ZNF407: variants seen among roughly 807,000 people sequenced by gnomAD.
The protein encoded by ZNF407 is zinc finger protein 407.
ZNF407 carries 17 observed loss-of-function variants against 131.2 expected under a neutral mutation model. That is an observed-to-expected ratio of 0.13 (90% CI 0.09 to 0.19). The LOEUF (loss-of-function observed/expected upper bound fraction) is 0.19, where lower values mean the gene tolerates loss of function less well. Among genes scored for constraint, ZNF407 ranks in the 10% least tolerant of loss-of-function variants. The pLI is 1.00. For missense variants in ZNF407, 2,681 were observed against 2,830.6 expected, an observed-to-expected ratio of 0.95 and a Z score of 1.20; for synonymous variants, 1,156 against 1,062.0, an observed-to-expected ratio of 1.09 and a Z score of -1.72.
chr18:74,600,321 G>A (rs991998520), intron 1 of ZNF407, among the ~76,000 whole-genome samples: 1 of 152,222 alleles, frequency 6.6e-6, no homozygotes, highest in Non-Finnish European at 1.5e-5. Flanking sequence ...GCAATATCAC[G>A]TAAATAGCCT....
intron 8 of ZNF407, among the ~76,000 whole-genome samples, chr18:75,019,966 T>G (rs1427885213): frequency 6.6e-6 from 1 of 152,018 alleles, no homozygotes; most frequent in Admixed American, 6.5e-5. Flanking sequence ...CCCCCAACAT[T>G]GGGAATTGAA....
chr18:75,042,806 T>C (rs1973388937), intron 8 of ZNF407, among the ~76,000 whole-genome samples: 1 of 152,238 alleles, frequency 6.6e-6, no homozygotes, highest in Non-Finnish European at 1.5e-5. Flanking sequence ...GTCACGTCAG[T>C]GGCAGGTACC....
chr18:74,691,642 T>C lies in ZNF407; in HGVS notation c.4802+50520T>C, dbSNP rs576930266. Reference sequence around the variant, plus strand: ...TTTCTGAGGATTAAAGTCTGAATGATTTATTTTAGACCTTTTTTCTTTTTC... The same window carrying C: ...TTTCTGAGGATTAAAGTCTGAATGACTTATTTTAGACCTTTTTTCTTTTTC... On this transcript the variant is annotated intron_variant, in intron 3 of 8. Transcript: ENST00000299687. Among the ~76,000 whole-genome samples, 5 of 152,286 alleles carry C rather than the reference T, an allele frequency of 3.3e-5. No homozygotes were observed. In the South Asian group the frequency reaches 1.0e-3, roughly 32 times the overall value.
rs201321452 is a variant in ZNF407 at position 74,879,981 on chromosome 18, G to A, written c.5045-1055G>A. Among the ~76,000 whole-genome samples the A allele has an allele frequency of 4.6e-5, 7 of 152,292 alleles. No individual in the cohort carries two copies. In the East Asian group the frequency reaches 1.3e-3, roughly 29 times the overall value. On this transcript the variant is annotated intron_variant, in intron 5 of 8. Transcript: ENST00000299687. ...ATTATGATAAACCAAAGTGATTTGG[G>A]ACAACACAGCCTGACTCTGGCCAAA...
intron 4 of ZNF407, among the ~76,000 whole-genome samples, chr18:74,822,874 C>A (rs1052077812): frequency 6.6e-6 from 1 of 152,186 alleles, no homozygotes; most frequent in African/African-American, 2.4e-5. Context: ...ACCATTTTCA[C>A]AATATTGATT....
chr18:75,041,766 C>A (rs924222723), intron 8 of ZNF407, among the ~76,000 whole-genome samples: 2 of 152,182 alleles, frequency 1.3e-5, no homozygotes, highest in African/African-American at 2.4e-5. Flanking sequence ...CGATCAGCAT[C>A]CCCATTTTTA....
chr18:74,756,489 G>C (rs193041173), intron 3 of ZNF407, among the ~76,000 whole-genome samples: 1 of 152,258 alleles, frequency 6.6e-6, no homozygotes, highest in African/African-American at 2.4e-5. Context: ...TCTGCTTCTT[G>C]TAGTGAAGTT....
chr18:75,053,043 A>G (rs1391008519), intron 8 of ZNF407, among the ~76,000 whole-genome samples: 1 of 152,256 alleles, frequency 6.6e-6, no homozygotes, highest in Non-Finnish European at 1.5e-5. Flanking sequence ...CTTGGAACAC[A>G]GTGGAATCGT....
intron 3 of ZNF407, among the ~76,000 whole-genome samples, chr18:74,670,384 C>A (rs533831058): frequency 3.9e-5 from 6 of 152,238 alleles, no homozygotes; most frequent in Admixed American, 3.9e-4. Context: ...TCTGAAAGAT[C>A]TTAGGTTAGA....
intron 3 of ZNF407, among the ~76,000 whole-genome samples, chr18:74,658,654 C>T (rs563280356): frequency 1.3e-5 from 2 of 152,236 alleles, no homozygotes; most frequent in African/African-American, 4.8e-5. Flanking sequence ...TAATTCTTTA[C>T]AAACTGTTTC....
intron 3 of ZNF407, among the ~76,000 whole-genome samples, chr18:74,746,611 C>G (rs1003013708): frequency 6.6e-6 from 1 of 151,782 alleles, no homozygotes; most frequent in Non-Finnish European, 1.5e-5. Context: ...AACACATTAG[C>G]TTAGGCCTAC....
chr18:74,632,758 A>C lies in ZNF407; in HGVS notation c.1739A>C (p.Gln580Pro). Residue 580 changes from glutamine to proline, a missense_variant, in exon 2 of 9, where the codon CAG (glutamine) becomes CCG (proline). This residue lies in a region of ZNF407 where 1,789 missense variants were observed against 1,748.7 expected (regional missense o/e 1.02). Transcript: ENST00000299687. ...TTAGATGAACATTTGCACAGTAACCAGCATCAGCAAACTGCTTCTGTCCTG... is the reference window on the plus strand; with the variant it reads ...TTAGATGAACATTTGCACAGTAACCCGCATCAGCAAACTGCTTCTGTCCTG... The part of the protein sequence containing the change: ...RDLDEHLHSN[Q>P]HQQTASVLSC... 1 of 1,614,046 alleles carries C rather than the reference A, an allele frequency of 6.2e-7. No homozygotes were observed. The highest frequency in any genetic ancestry group is 1.6e-4 in the Middle Eastern group (1 of 6,062).
At chr18:74,620,548 A>T (rs1249527037) in intron 1 of ZNF407, among the ~76,000 whole-genome samples, 2 of 152,250 alleles carry the variant, frequency 1.3e-5, no homozygotes, top group African/African-American at 4.8e-5. Context: ...GTCCTCTGGA[A>T]TAGAAACGAT....
intron 3 of ZNF407, among the ~76,000 whole-genome samples, chr18:74,685,378 C>T (rs192536951): frequency 7.6e-4 from 115 of 152,282 alleles, no homozygotes; most frequent in African/African-American, 2.6e-3. Flanking sequence ...TCCTGGCATC[C>T]CCCGGTCCTG....
intron 3 of ZNF407, among the ~76,000 whole-genome samples, chr18:74,672,485 G>A (rs1319354548): frequency 6.6e-6 from 1 of 150,856 alleles, no homozygotes; most frequent in Non-Finnish European, 1.5e-5. Flanking sequence ...AGCACCGTTT[G>A]TCTGTTCGTT....
chr18:74,962,920 C>T lies in ZNF407; in HGVS notation c.5428+42228C>T, dbSNP rs1972364207. Among the ~76,000 whole-genome samples the T allele has an allele frequency of 1.3e-5, 2 of 152,180 alleles. 1 individual carries two copies. Among genetic ancestry groups the T allele is most frequent in the South Asian group, 4.1e-4 (2 of 4,832 alleles). ...AATGAATGCTGGCAGTGTCTATGTT[C>T]CTGGCTGGAAATCTTATTCACCTGA... On this transcript the variant is annotated intron_variant, in intron 8 of 8. Coordinates refer to ENST00000299687, the MANE Select transcript of ZNF407 (RefSeq NM_017757.3).
Position 74,635,833 on chromosome 18 carries a change from G to T in ZNF407, c.4687+127G>T. ...GGTTCACATTTCACTGCCGTGTGCTGCTCTGCTTGTCTGCAATAAGTCATT... is the reference window on the plus strand; with the variant it reads ...GGTTCACATTTCACTGCCGTGTGCTTCTCTGCTTGTCTGCAATAAGTCATT... On this transcript the variant is annotated intron_variant, in intron 2 of 8. Coordinates refer to ENST00000299687, the MANE Select transcript of ZNF407 (RefSeq NM_017757.3). This position sits in a 1 kb window ranked among gnomAD's most constrained non-coding sequence, Gnocchi z 4.7. 2 of 1,275,252 alleles carry T rather than the reference G, an allele frequency of 1.6e-6. No homozygotes were observed. The highest frequency in any genetic ancestry group is 1.1e-6 in the Non-Finnish European group (1 of 944,530). 79.0% of individuals were successfully genotyped at this position (1,275,252 alleles called of 1,614,324 possible).
intron 8 of ZNF407, among the ~76,000 whole-genome samples, chr18:74,981,107 G>A (rs1242254603): frequency 6.6e-6 from 1 of 152,230 alleles, no homozygotes; most frequent in Non-Finnish European, 1.5e-5. Flanking sequence ...ATGCCGGGAA[G>A]CATCATTCCT....
chr18:74,939,390 A>C (rs1179787809), intron 8 of ZNF407, among the ~76,000 whole-genome samples: 1 of 152,232 alleles, frequency 6.6e-6, no homozygotes, highest in African/African-American at 2.4e-5. Flanking sequence ...ATATGAATAT[A>C]TTCAGCAATG....
Sources: gnomAD v4.1 joint callset for allele counts (sites outside exome capture counted in the v4.1 genomes callset) on GRCh38, gnomAD v4.1.1 for gene constraint, gnomAD v4.1.1 regional missense constraint, Gnocchi (gnomAD v3.1) non-coding constraint, MANE v1.5 for transcripts, NCBI Gene and HGNC (gene_info 2026-07-23, HGNC 2026-07-21) for gene names.